The following GABRG3 variants were observed in gnomAD, a reference collection of about 807,000 sequenced individuals.
GABRG3 encodes the protein gamma-aminobutyric acid type A receptor subunit gamma3.
A neutral mutation model predicts 48.8 loss-of-function variants in GABRG3; 25 were observed. That is an observed-to-expected ratio of 0.51 (90% CI 0.37 to 0.72). The LOEUF (loss-of-function observed/expected upper bound fraction) is 0.72, where lower values mean the gene tolerates loss of function less well. Ranked by LOEUF, GABRG3 falls within the 30% of genes least tolerant of loss-of-function variation. The pLI is 0.00. For synonymous variants in GABRG3, 227 were observed against 217.6 expected (o/e 1.04, Z -0.38); for missense variants, 394 against 577.9 (o/e 0.68, Z 3.26).
intron 5 of GABRG3, among the ~76,000 whole-genome samples, chr15:27,444,979 C>T (rs1440140144): frequency 2.0e-5 from 3 of 152,164 alleles, no homozygotes; most frequent in African/African-American, 7.2e-5. Context: ...TCAAGCAATT[C>T]TCCTGCCTCA....
At chr15:27,520,958 T>A (rs1486221651) in intron 7 of GABRG3, among the ~76,000 whole-genome samples, 1 of 152,014 alleles carries the variant, frequency 6.6e-6, no homozygotes, top group African/African-American at 2.4e-5. Context: ...TTAATTAGCC[T>A]GTAATATCCT....
intron 3 of GABRG3, among the ~76,000 whole-genome samples, chr15:27,320,242 C>CT (rs781652334): frequency 3.9e-5 from 6 of 152,220 alleles, no homozygotes; most frequent in Admixed American, 2.6e-4. Context: ...TTTTTCTCCT[C>CT]TGACATCCCC....
intron 3 of GABRG3, among the ~76,000 whole-genome samples, chr15:27,245,199 T>G (rs1185667439): frequency 1.3e-5 from 2 of 152,016 alleles, no homozygotes; most frequent in Non-Finnish European, 2.9e-5. Flanking sequence ...CCTTGGAAGG[T>G]GACGATTCTG....
At chr15:27,090,666 A>T (rs1373901937) in intron 3 of GABRG3, among the ~76,000 whole-genome samples, 2 of 152,214 alleles carry the variant, frequency 1.3e-5, no homozygotes, top group Non-Finnish European at 2.9e-5. Flanking sequence ...GTTTTAAAAA[A>T]ATGTTTCAAC....
intron 6 of GABRG3, among the ~76,000 whole-genome samples, chr15:27,509,677 G>A (rs916540464): frequency 6.6e-6 from 1 of 152,002 alleles, no homozygotes; most frequent in African/African-American, 2.4e-5. Context: ...TTGATTTCTT[G>A]TACTTCCATT....
chr15:27,444,295 G>C (rs761443671), intron 5 of GABRG3, among the ~76,000 whole-genome samples: 53 of 151,992 alleles, frequency 3.5e-4, no homozygotes, highest in Non-Finnish European at 6.3e-4. Flanking sequence ...AATGATTGAG[G>C]ATTTCTCTAT....
At chr15:27,074,870 T>A (rs1460220611) in intron 3 of GABRG3, among the ~76,000 whole-genome samples, 3 of 152,062 alleles carry the variant, frequency 2.0e-5, no homozygotes, top group African/African-American at 7.2e-5. Context: ...GGGTTGGTTT[T>A]TAAAGAGTTG....
intron 5 of GABRG3, among the ~76,000 whole-genome samples, chr15:27,436,336 A>C (rs1396851733): frequency 6.6e-6 from 1 of 152,178 alleles, no homozygotes; most frequent in Non-Finnish European, 1.5e-5. Flanking sequence ...TCACCTCCCA[A>C]AGGTAACACC....
intron 5 of GABRG3, among the ~76,000 whole-genome samples, chr15:27,367,945 G>A (rs2140553057): frequency 6.6e-6 from 1 of 152,252 alleles, no homozygotes; most frequent in South Asian, 2.1e-4. Context: ...GTCTTCTTCT[G>A]AAATCTCTCT....
intron 3 of GABRG3, among the ~76,000 whole-genome samples, chr15:27,306,841 GTTTATATATAAAC>G (rs1892527365): frequency 1.4e-5 from 1 of 71,012 alleles, no homozygotes; most frequent in Admixed American, 1.7e-4. Flanking sequence ...ATATAAACAT[GTTTATATATAAAC>G]ATACAATATA....
intron 2 of GABRG3, among the ~76,000 whole-genome samples, chr15:27,015,840 C>T (rs1469900224): frequency 6.6e-6 from 1 of 151,982 alleles, no homozygotes; most frequent in Admixed American, 6.6e-5. Context: ...TATATTTCTT[C>T]TGCTGTTGAT....
chr15:27,017,246 GACTTGCAC>G (rs1895795257), intron 2 of GABRG3, among the ~76,000 whole-genome samples: 2 of 152,142 alleles, frequency 1.3e-5, no homozygotes, highest in South Asian at 4.1e-4. Flanking sequence ...GTACTCCCCG[GACTTGCAC>G]ACTTAATATA....
chr15:27,316,231 C>CA (rs1178621038), intron 3 of GABRG3, among the ~76,000 whole-genome samples: 6 of 151,608 alleles, frequency 4.0e-5, no homozygotes, highest in Non-Finnish European at 7.4e-5. Context: ...ACTAAAAATA[C>CA]AAAAAAATTA....
At chr15:27,126,903 G>A (rs1223272831) in intron 3 of GABRG3, among the ~76,000 whole-genome samples, 2 of 152,160 alleles carry the variant, frequency 1.3e-5, no homozygotes, top group Non-Finnish European at 2.9e-5. Flanking sequence ...TGGTGACCCT[G>A]GCATGTAGTG....
intron 6 of GABRG3, among the ~76,000 whole-genome samples, chr15:27,510,486 CAAT>C (rs1477102241): frequency 1.3e-5 from 2 of 152,184 alleles, no homozygotes; most frequent in Non-Finnish European, 2.9e-5. Flanking sequence ...ACAGGGGACA[CAAT>C]GATGTGGACG....
chr15:26,976,671 G>A lies in GABRG3; in HGVS notation c.54-331G>A, dbSNP rs942834535. On this transcript the variant is annotated intron_variant, in intron 1 of 9. Coordinates refer to ENST00000615808, the MANE Select transcript of GABRG3 (RefSeq NM_033223.5). This position sits in a 1 kb window ranked among gnomAD's most constrained non-coding sequence, Gnocchi z 7.8. ...TGTGCCTTGACCTTCACAGGCTATCGGGGTGGATCCAAGGGTGTGTTGCCT... is the reference window on the plus strand; with the variant it reads ...TGTGCCTTGACCTTCACAGGCTATCAGGGTGGATCCAAGGGTGTGTTGCCT... Among the ~76,000 whole-genome samples the A allele has an allele frequency of 3.3e-5, 5 of 152,140 alleles. No homozygotes were observed. The highest frequency in any genetic ancestry group is 2.0e-4 in the Admixed American group (3 of 15,272).
rs975257636 is a variant in GABRG3 at position 26,974,282 on chromosome 15, G to A, written c.53+2694G>A. Among the ~76,000 whole-genome samples, 23 of 152,136 alleles carry A rather than the reference G, an allele frequency of 1.5e-4. No homozygotes were observed. The highest frequency in any genetic ancestry group is 2.4e-4 in the Non-Finnish European group (16 of 68,028). On this transcript the variant is annotated intron_variant, in intron 1 of 9. Transcript: ENST00000615808. This position sits in a 1 kb window ranked among gnomAD's most constrained non-coding sequence, Gnocchi z 4.3. Reference sequence around the variant, plus strand: ...CTGTCCTGGCCTCTAAGGAGGAAGCGCTTGCAATTTCAGGAAAACCCTCTC... The same window carrying A: ...CTGTCCTGGCCTCTAAGGAGGAAGCACTTGCAATTTCAGGAAAACCCTCTC...
chr15:27,343,510 G>A (rs139306521), intron 5 of GABRG3, among the ~76,000 whole-genome samples: 2 of 152,310 alleles, frequency 1.3e-5, no homozygotes, highest in East Asian at 1.9e-4. Flanking sequence ...TTGGAGGTTA[G>A]GGAGCATGTC....
intron 5 of GABRG3, among the ~76,000 whole-genome samples, chr15:27,333,125 G>GGCCATAATT (rs2140522780): frequency 6.6e-6 from 1 of 152,134 alleles, no homozygotes; most frequent in East Asian, 1.9e-4. Flanking sequence ...TCCAGAACTT[G>GGCCATAATT]GCCATAATTG....
Sources: gnomAD v4.1 joint callset for allele counts (sites outside exome capture counted in the v4.1 genomes callset) on GRCh38, gnomAD v4.1.1 for gene constraint, Gnocchi (gnomAD v3.1) non-coding constraint, MANE v1.5 for transcripts, NCBI Gene and HGNC (gene_info 2026-07-23, HGNC 2026-07-21) for gene names.